MDGA2: variants seen among roughly 807,000 people sequenced by gnomAD.
MDGA2 encodes the protein MAM domain-containing glycosylphosphatidylinositol anchor protein 2.
In MDGA2, 40 loss-of-function variants were observed where a neutral mutation model predicts 117.8. That is an observed-to-expected ratio of 0.34 (90% CI 0.26 to 0.44). The LOEUF is 0.44. MDGA2 is among the 20% of genes least tolerant of loss of function. The pLI is 1.00. For synonymous variants in MDGA2, 452 were observed against 439.0 expected (o/e 1.03, Z -0.37); for missense variants, 1,123 against 1,250.6 (o/e 0.90, Z 1.54).
At chr14:47,264,080 A>G (rs1651158177) in intron 2 of MDGA2, among the ~76,000 whole-genome samples, 1 of 152,164 alleles carries the variant, frequency 6.6e-6, no homozygotes, top group Non-Finnish European at 1.5e-5. Context: ...TATTTAAGTC[A>G]GCGTGTCCTT....
chr14:47,129,088 GTTT>G (rs71112485), intron 5 of MDGA2, among the ~76,000 whole-genome samples: 2 of 147,672 alleles, frequency 1.4e-5, no homozygotes, highest in Non-Finnish European at 3.0e-5. Context: ...GCATTCTCTA[GTTT>G]TTTTTTTTCT....
chr14:47,379,018 T>C (rs1294633439), intron 1 of MDGA2, among the ~76,000 whole-genome samples: 2 of 152,228 alleles, frequency 1.3e-5, no homozygotes, highest in Non-Finnish European at 2.9e-5. Flanking sequence ...AGCGGATCTC[T>C]TGGCAGAAAC....
intron 14 of MDGA2, among the ~76,000 whole-genome samples, chr14:46,869,810 T>C: frequency 6.6e-6 from 1 of 151,978 alleles, no homozygotes; most frequent in East Asian, 1.9e-4. Flanking sequence ...CCTGCTGCCA[T>C]GTTATGCGAC....
At chr14:47,245,068 G>A (rs1887193333) in intron 2 of MDGA2, among the ~76,000 whole-genome samples, 1 of 151,696 alleles carries the variant, frequency 6.6e-6, no homozygotes, top group Non-Finnish European at 1.5e-5. Context: ...CTGTCACCCA[G>A]GCTGGAGTGC....
At chr14:47,366,941 T>C (rs1343365396) in intron 1 of MDGA2, among the ~76,000 whole-genome samples, 1 of 145,712 alleles carries the variant, frequency 6.9e-6, no homozygotes, top group Non-Finnish European at 1.5e-5. Context: ...AACAAAAAAA[T>C]AGAATTTGTA....
chr14:46,963,424 C>T (rs921148528), intron 8 of MDGA2, among the ~76,000 whole-genome samples: 1 of 152,164 alleles, frequency 6.6e-6, no homozygotes, highest in Non-Finnish European at 1.5e-5. Context: ...ATGGACTCAC[C>T]CTTGTTTGCT....
intron 6 of MDGA2, among the ~76,000 whole-genome samples, chr14:47,089,124 G>A (rs1891015440): frequency 6.6e-6 from 1 of 151,992 alleles, no homozygotes; most frequent in Non-Finnish European, 1.5e-5. Context: ...AAGGGATTCC[G>A]AATCTGGAAA....
At chr14:47,454,234 A>G (rs1001485437) in intron 1 of MDGA2, among the ~76,000 whole-genome samples, 4 of 152,088 alleles carry the variant, frequency 2.6e-5, no homozygotes, top group African/African-American at 9.7e-5. Flanking sequence ...AGCCAACTCT[A>G]ATTTTTGATG....
chr14:47,229,249 C>CTT (rs1886608207), intron 2 of MDGA2, among the ~76,000 whole-genome samples: 4 of 152,016 alleles, frequency 2.6e-5, no homozygotes, highest in Admixed American at 2.6e-4. Context: ...GCTTTTCTTC[C>CTT]TTATTCTCTG....
intron 1 of MDGA2, among the ~76,000 whole-genome samples, chr14:47,352,767 G>C (rs945863300): frequency 1.1e-4 from 16 of 151,680 alleles, no homozygotes; most frequent in African/African-American, 3.4e-4. Flanking sequence ...TCTTTTTTTT[G>C]TGGTGATTAT....
chr14:47,483,674 TG>T (rs1281928773), intron 1 of MDGA2, among the ~76,000 whole-genome samples: 1 of 152,180 alleles, frequency 6.6e-6, no homozygotes, highest in Non-Finnish European at 1.5e-5. Context: ...AAAATAACAG[TG>T]GCTTTCCATC....
At chr14:47,442,665 C>A (rs1364499941) in intron 1 of MDGA2, among the ~76,000 whole-genome samples, 1 of 152,096 alleles carries the variant, frequency 6.6e-6, no homozygotes, top group Non-Finnish European at 1.5e-5. Flanking sequence ...AATGTAGGCA[C>A]CATGAAGCCC....
rs1273038976 is a variant in MDGA2, at chr14:47,093,698, TAG to T, written c.1195+3154_1195+3155del. Among the ~76,000 whole-genome samples, 9 of 152,258 alleles carry T rather than the reference TAG, an allele frequency of 5.9e-5. No homozygotes were observed. The East Asian group carries it at 1.2e-3, about 20-fold the overall frequency. On this transcript the variant is annotated intron_variant, in intron 6 of 16. Transcript: ENST00000399232. ...TTCAGTTTTCTACTTCTTATCTACATAGAGTGTTATCTCCATTATTTACTTTA... is the reference window on the plus strand; with the variant it reads ...TTCAGTTTTCTACTTCTTATCTACATAGTGTTATCTCCATTATTTACTTTA...
At chr14:47,093,867 A>T (rs532920454) in intron 6 of MDGA2, among the ~76,000 whole-genome samples, 1 of 152,180 alleles carries the variant, frequency 6.6e-6, no homozygotes, top group Admixed American at 6.6e-5. Flanking sequence ...AAATATCTTT[A>T]TGCTTACTCA....
intron 10 of MDGA2, among the ~76,000 whole-genome samples, chr14:46,899,190 A>C (rs1353553151): frequency 6.6e-6 from 1 of 152,090 alleles, no homozygotes; most frequent in Non-Finnish European, 1.5e-5. Context: ...TAATTATACC[A>C]GGTAATAGGT....
At chr14:47,441,977 T>C (rs1408899668) in intron 1 of MDGA2, among the ~76,000 whole-genome samples, 3 of 152,066 alleles carry the variant, frequency 2.0e-5, no homozygotes, top group Admixed American at 2.0e-4. Flanking sequence ...GTCAAGTATA[T>C]TGATTTAAGG....
chr14:47,333,531 C>G (rs1890352019), intron 1 of MDGA2, among the ~76,000 whole-genome samples: 2 of 151,638 alleles, frequency 1.3e-5, no homozygotes, highest in African/African-American at 4.8e-5. Flanking sequence ...CACTATAATC[C>G]AAATGATCAG....
intron 1 of MDGA2, among the ~76,000 whole-genome samples, chr14:47,610,840 C>T (rs1896834371): frequency 2.0e-5 from 3 of 152,016 alleles, no homozygotes; most frequent in African/African-American, 7.3e-5. Context: ...TAATTCTTCA[C>T]AGAATTAGAA....
intron 1 of MDGA2, among the ~76,000 whole-genome samples, chr14:47,587,275 C>T (rs1896342844): frequency 6.6e-6 from 1 of 151,490 alleles, no homozygotes; most frequent in Non-Finnish European, 1.5e-5. Context: ...ACAACCTGCA[C>T]GTGTACCCCA....
Sources: gnomAD v4.1 joint callset for allele counts (sites outside exome capture counted in the v4.1 genomes callset) on GRCh38, gnomAD v4.1.1 for gene constraint, MANE v1.5 for transcripts, NCBI Gene and HGNC (gene_info 2026-07-23, HGNC 2026-07-21) for gene names.